The following ZBTB8A variants were observed in gnomAD, a reference collection of about 807,000 sequenced individuals.
ZBTB8A encodes zinc finger and BTB domain containing 8A.
A neutral mutation model predicts 37.8 loss-of-function variants in ZBTB8A; 19 were observed. The observed-to-expected ratio is 0.50, with a 90% CI of 0.35 to 0.74. The LOEUF (loss-of-function observed/expected upper bound fraction) is 0.74. Among genes scored for constraint, ZBTB8A ranks in the 30% least tolerant of loss-of-function variants. The pLI, the probability that ZBTB8A is intolerant of heterozygous loss-of-function variation, is 0.01. For missense variants in ZBTB8A, 394 were observed against 537.8 expected, an observed-to-expected ratio of 0.73 and a Z score of 2.65; for synonymous variants, 181 against 185.2, an observed-to-expected ratio of 0.98 and a Z score of 0.19.
rs12567940 is a variant in ZBTB8A, at chr1:32,601,901, C to T, written c.*1482C>T. On this transcript the variant is annotated 3_prime_UTR_variant, in exon 5 of 5. Transcript: ENST00000373510. Reference sequence around the variant, plus strand: ...TACCTATTGGTATGTTTTTATGTCACGTTATTTATATGTAAATTTAAAGTA... The same window carrying T: ...TACCTATTGGTATGTTTTTATGTCATGTTATTTATATGTAAATTTAAAGTA... 5 of 382,528 alleles carry T rather than the reference C, an allele frequency of 1.3e-5. No individual in the cohort carries two copies. The highest frequency in any genetic ancestry group is 6.2e-5 in the African/African-American group (3 of 48,310). The allele number at this position is 382,528 out of a possible 1,614,324, so 23.7% of individuals were successfully genotyped here.
At chr1:32,565,645 C>T (rs958305593) in intron 2 of ZBTB8A, among the ~76,000 whole-genome samples, 5 of 151,908 alleles carry the variant, frequency 3.3e-5, no homozygotes, top group African/African-American at 4.8e-5. Context: ...AGATTGAGAC[C>T]GTCTTTAAAA....
At chr1:32,542,785 G>T (rs1644067318) in intron 1 of ZBTB8A, among the ~76,000 whole-genome samples, 1 of 152,006 alleles carries the variant, frequency 6.6e-6, no homozygotes, top group African/African-American at 2.4e-5. Flanking sequence ...TTATATTCTT[G>T]GGACTATTAT....
rs1644381737 is a variant in ZBTB8A at position 32,578,739 on chromosome 1, G to C, written c.-1-14192G>C. On this transcript the variant is annotated intron_variant, in intron 2 of 4. Transcript: ENST00000373510. ...ATTTATGGAGACAGGCTCTCACTGT[G>C]TTATCCAGGCTGGAGTGCAGTGGCT... is the stretch of plus-strand genomic sequence containing the variant. Among the ~76,000 whole-genome samples, 5 of 151,732 alleles carry C rather than the reference G, an allele frequency of 3.3e-5. No individual in the cohort carries two copies. The South Asian group carries it at 1.0e-3, about 32-fold the overall frequency.
intron 2 of ZBTB8A, among the ~76,000 whole-genome samples, chr1:32,563,706 C>T (rs1265657936): frequency 3.9e-5 from 6 of 152,200 alleles, no homozygotes; most frequent in East Asian, 3.9e-4. Context: ...CTCCTGACCT[C>T]GGGTGATCTG....
intron 2 of ZBTB8A, among the ~76,000 whole-genome samples, chr1:32,582,984 A>G (rs1201262874): frequency 1.3e-5 from 2 of 152,216 alleles, no homozygotes; most frequent in African/African-American, 4.8e-5. Flanking sequence ...TTCATTATAG[A>G]TAAAACTCCT....
In ZBTB8A at chr1:32,604,306, G is replaced by A. The variant is rs1323407839; in HGVS notation, c.*3887G>A. On this transcript the variant is annotated 3_prime_UTR_variant, in exon 5 of 5. Transcript: ENST00000373510. The stretch of plus-strand genomic sequence containing the variant: ...CTCTTCAAATGAATTGTTTCCTAAA[G>A]ATGCTCAAATTTAAGGGATAAACTC... 1 of 152,154 alleles carries A rather than the reference G, an allele frequency of 6.6e-6. No individual in the cohort carries two copies. Among genetic ancestry groups the A allele is most frequent in the African/African-American group, 2.4e-5 (1 of 41,452 alleles). The allele number at this position is 152,154 out of a possible 1,614,324, so 9.4% of individuals were successfully genotyped here.
At chr1:32,597,083 T>A (rs975887725) in intron 4 of ZBTB8A, among the ~76,000 whole-genome samples, 3 of 152,018 alleles carry the variant, frequency 2.0e-5, no homozygotes, top group African/African-American at 7.2e-5. Context: ...CTTGCCCCAC[T>A]GCAACCTCTG....
rs552411504 is a variant in ZBTB8A, at chr1:32,604,215, A to T, written c.*3796A>T. The T allele has an allele frequency of 7.2e-5, 11 of 152,208 alleles. No homozygotes were observed. Among genetic ancestry groups the T allele is most frequent in the Non-Finnish European group, 1.5e-4 (10 of 68,036 alleles). 9.4% of individuals were successfully genotyped at this position (152,208 alleles called of 1,614,324 possible). ...ACAAAAAGAAAGCACCACTGCAGTC[A>T]TGCCTAGTGTCTGGGAGAAACAAAA... On this transcript the variant is annotated 3_prime_UTR_variant, in exon 5 of 5. Coordinates refer to ENST00000373510, the MANE Select transcript of ZBTB8A (RefSeq NM_001040441.3).
At chr1:32,545,649 A>G (rs779718126) in intron 1 of ZBTB8A, among the ~76,000 whole-genome samples, 13 of 152,278 alleles carry the variant, frequency 8.5e-5, no homozygotes, top group Non-Finnish European at 1.9e-4. Flanking sequence ...ATCTTCTGCC[A>G]TCCTTCTGTA....
At chr1:32,595,514 G>C (rs1328391693) in intron 4 of ZBTB8A, among the ~76,000 whole-genome samples, 1 of 151,236 alleles carries the variant, frequency 6.6e-6, no homozygotes, top group Non-Finnish European at 1.5e-5. Context: ...TGATTCACCT[G>C]CCTCAGCCTC....
intron 2 of ZBTB8A, among the ~76,000 whole-genome samples, chr1:32,558,326 T>A (rs375198283): frequency 5.3e-5 from 8 of 152,152 alleles, no homozygotes; most frequent in African/African-American, 1.9e-4. Flanking sequence ...CTTTTTTTCT[T>A]CCTGTCTCAC....
At chr1:32,557,682 C>A (rs1156539540) in intron 2 of ZBTB8A, among the ~76,000 whole-genome samples, 1 of 152,052 alleles carries the variant, frequency 6.6e-6, no homozygotes, top group Non-Finnish European at 1.5e-5. Context: ...CCAGGCTAGT[C>A]TCAAACTCCT....
intron 2 of ZBTB8A, among the ~76,000 whole-genome samples, chr1:32,553,877 A>C: frequency 9.3e-6 from 1 of 108,056 alleles, no homozygotes; most frequent in Non-Finnish European, 1.9e-5. Flanking sequence ...CAAGAGCGAA[A>C]CTCTGTCTCA....
Position 32,602,316 on chromosome 1 carries a change from GA to G in ZBTB8A, c.*1900del, listed in dbSNP as rs895701196. 9.8e-6 allele frequency: 1 copy of G among 101,830 alleles called. No individual in the cohort carries two copies. The highest frequency in any genetic ancestry group is 3.8e-5 in the African/African-American group (1 of 26,272). 6.3% of individuals were successfully genotyped at this position (101,830 alleles called of 1,614,324 possible). On this transcript the variant is annotated 3_prime_UTR_variant, in exon 5 of 5. Transcript: ENST00000373510. ...GCACTCCAGCCTGGGCAACAAGAGC[GA>G]AACTCCGTCTCAAAAAAAAAAAAAA... is the stretch of plus-strand genomic sequence containing the variant.
intron 3 of ZBTB8A, 61 bp from the exon 4 acceptor site, chr1:32,594,993 C>A: frequency 7.2e-7 from 1 of 1,396,884 alleles, no homozygotes; most frequent in Non-Finnish European, 9.6e-7. Flanking sequence ...GGATTGGATT[C>A]TTTCTGTTAT....
intron 2 of ZBTB8A, among the ~76,000 whole-genome samples, chr1:32,587,417 A>G (rs960055400): frequency 1.3e-5 from 2 of 151,942 alleles, no homozygotes; most frequent in Admixed American, 1.3e-4. Context: ...ATTTCCTAAG[A>G]TGGATAAGAC....
chr1:32,562,504 C>G (rs1644251119), intron 2 of ZBTB8A, among the ~76,000 whole-genome samples: 1 of 150,846 alleles, frequency 6.6e-6, no homozygotes, highest in African/African-American at 2.4e-5. Flanking sequence ...CTCCTGACCT[C>G]AGGTGATCCG....
intron 2 of ZBTB8A, among the ~76,000 whole-genome samples, chr1:32,569,005 T>G (rs1260830061): frequency 1.3e-5 from 2 of 152,300 alleles, no homozygotes; most frequent in Non-Finnish European, 2.9e-5. Flanking sequence ...TGCCAGGTCT[T>G]AGAGTAGGTA....
At chr1:32,551,450 C>A (rs1376343553) in intron 1 of ZBTB8A, among the ~76,000 whole-genome samples, 1 of 151,928 alleles carries the variant, frequency 6.6e-6, no homozygotes, top group East Asian at 1.9e-4. Flanking sequence ...TATGGTGGCT[C>A]ATGCCTGTAA....
Sources: allele counts gnomAD v4.1 joint callset (sites outside exome capture counted in the v4.1 genomes callset), GRCh38; gene constraint gnomAD v4.1.1; transcripts MANE v1.5; gene names NCBI Gene and HGNC (gene_info 2026-07-23, HGNC 2026-07-21).